The following PLEKHA5 variants were observed in gnomAD, a reference collection of about 807,000 sequenced individuals.
PLEKHA5 encodes pleckstrin homology domain-containing family A member 5.
In PLEKHA5, 55 loss-of-function variants were observed where a neutral mutation model predicts 181.9. The observed-to-expected ratio is 0.30, with a 90% CI of 0.24 to 0.38. PLEKHA5 has a LOEUF of 0.38. Ranked by LOEUF, PLEKHA5 falls within the 10% of genes least tolerant of loss-of-function variation. PLEKHA5 has a pLI of 1.00. For synonymous variants in PLEKHA5, 535 were observed against 529.4 expected, an observed-to-expected ratio of 1.01 and a Z score of -0.15; for missense variants, 1,432 against 1,549.5, an observed-to-expected ratio of 0.92 and a Z score of 1.27.
At chr12:19,322,457 A>G (rs2091108543) in intron 19 of PLEKHA5, 61 bp from the exon 20 acceptor site, 1 of 1,577,496 alleles carries the variant, frequency 6.3e-7, no homozygotes. Context: ...GGACACTGAT[A>G]AGTAAAAAGA....
At chr12:19,232,932 T>C (rs1246898435) in intron 3 of PLEKHA5, among the ~76,000 whole-genome samples, 2 of 152,168 alleles carry the variant, frequency 1.3e-5, no homozygotes, top group Non-Finnish European at 2.9e-5. Flanking sequence ...TTTATTCTTA[T>C]ACTCTACTTC....
At chr12:19,328,558 A>AGTGTGTGTGTGTGT in intron 20 of PLEKHA5, among the ~76,000 whole-genome samples, 1 of 141,798 alleles carries the variant, frequency 7.1e-6, no homozygotes, top group South Asian at 2.4e-4. Context: ...CTTTCCTAGG[A>AGTGTGTGTGTGTGT]GTGTGTGTGT....
intron 20 of PLEKHA5, among the ~76,000 whole-genome samples, chr12:19,327,247 G>GTTTTTTTTTTTTTTTTT (rs55983306): frequency 7.2e-6 from 1 of 138,544 alleles, no homozygotes; most frequent in Admixed American, 7.1e-5. Context: ...ATCTGTTTTT[G>GTTTTTTTTTTTTTTTTT]TTTTTTTTTT....
At chr12:19,220,049 C>G (rs2058682970) in intron 3 of PLEKHA5, among the ~76,000 whole-genome samples, 1 of 151,960 alleles carries the variant, frequency 6.6e-6, no homozygotes, top group South Asian at 2.1e-4. Flanking sequence ...TAGATGTTAA[C>G]CATACAATTA....
intron 6 of PLEKHA5, among the ~76,000 whole-genome samples, chr12:19,258,404 T>G (rs1372955596): frequency 6.6e-6 from 1 of 152,146 alleles, no homozygotes; most frequent in Non-Finnish European, 1.5e-5. Context: ...GTTTATTCTG[T>G]TAAATATTGC....
At chr12:19,302,687 AC>A (rs1339756813) in intron 15 of PLEKHA5, among the ~76,000 whole-genome samples, 1 of 151,744 alleles carries the variant, frequency 6.6e-6, no homozygotes, top group Non-Finnish European at 1.5e-5. Flanking sequence ...GTGAGCCACC[AC>A]CCCCAGCCTA....
chr12:19,171,224 A>G (rs2045813852), intron 3 of PLEKHA5, among the ~76,000 whole-genome samples: 1 of 152,168 alleles, frequency 6.6e-6, no homozygotes, highest in African/African-American at 2.4e-5. Flanking sequence ...TTAAGAAGAA[A>G]TCAATTGAGA....
chr12:19,281,930 T>C (rs893686200), intron 11 of PLEKHA5, among the ~76,000 whole-genome samples: 3 of 151,772 alleles, frequency 2.0e-5, no homozygotes, highest in South Asian at 2.1e-4. Flanking sequence ...TACAGGCACC[T>C]GCCACCACGC....
Position 19,260,938 on chromosome 12 carries a change from A to C in PLEKHA5, c.538-11A>C, listed in dbSNP as rs755243632. ...TGAGAAATAATCCTTAAATATGCTG[A>C]TTTAATCCAGGACAGTACTGGCATG... On this transcript the variant is annotated splice_polypyrimidine_tract_variant and intron_variant, in intron 6 of 31. Coordinates refer to ENST00000429027, the MANE Select transcript of PLEKHA5 (RefSeq NM_001256470.2). 36 of 1,514,272 alleles carry C rather than the reference A, an allele frequency of 2.4e-5. No homozygotes were observed. Among genetic ancestry groups the C allele is most frequent in the Non-Finnish European group, 2.9e-5 (32 of 1,106,596 alleles). 93.8% of individuals were successfully genotyped at this position (1,514,272 alleles called of 1,614,324 possible). A position where few individuals can be genotyped will look rare whatever the true frequency, so the allele number is the denominator to read the frequency against.
In PLEKHA5 at chr12:19,274,624, A is replaced by C. The variant is rs1240354713; in HGVS notation, c.954A>C (p.Glu318Asp). 8.1e-6 allele frequency: 13 copies of C among 1,613,594 alleles called. No individual in the cohort carries two copies. The highest frequency in any genetic ancestry group is 9.3e-6 in the Non-Finnish European group (11 of 1,179,612). ...PEIQNNQKNK[E>D]MSKIEEKKAL... ...TCCAAAACAATCAAAAAAACAAGGA[A>C]ATGAGCAAAATTGAAGAAAAAAAGG... Residue 318 changes from glutamate (E) to aspartate (D), a missense_variant, in exon 11 of 32, where the codon GAA becomes GAC. This residue lies in a region of PLEKHA5 where 1,143 missense variants were observed against 1,168.4 expected (regional missense o/e 0.98). Coordinates refer to ENST00000429027, the MANE Select transcript of PLEKHA5 (RefSeq NM_001256470.2).
chr12:19,260,806 G>A (rs1192260134), intron 6 of PLEKHA5, 143 bp from the exon 7 acceptor site: 5 of 427,432 alleles, frequency 1.2e-5, no homozygotes, highest in Non-Finnish European at 2.1e-5. Context: ...GTTGCAGTGA[G>A]CAGAGGTTGC....
chr12:19,176,322 G>T (rs1375311674), intron 3 of PLEKHA5: 1 of 150,418 alleles, frequency 6.6e-6, no homozygotes, highest in Non-Finnish European at 1.5e-5. Flanking sequence ...CGAGGCTGGA[G>T]TGTAGTGCTG....
intron 3 of PLEKHA5, among the ~76,000 whole-genome samples, chr12:19,218,769 A>G (rs1410714713): frequency 6.6e-6 from 1 of 151,978 alleles, no homozygotes; most frequent in African/African-American, 2.4e-5. Context: ...ATCTAATTAT[A>G]TGTATATATT....
intron 3 of PLEKHA5, among the ~76,000 whole-genome samples, chr12:19,252,198 A>T (rs2065519330): frequency 6.6e-6 from 1 of 152,200 alleles, no homozygotes; most frequent in Admixed American, 6.5e-5. Context: ...CCAAAAAAAT[A>T]TGAAAATTAG....
chr12:19,374,920 A>G (rs1415175933), intron 31 of PLEKHA5, among the ~76,000 whole-genome samples: 3 of 151,868 alleles, frequency 2.0e-5, no homozygotes, highest in East Asian at 3.9e-4. Context: ...GTGCCACTGC[A>G]CTCCACCCTG....
chr12:19,174,337 T>G (rs2046682332), intron 3 of PLEKHA5, among the ~76,000 whole-genome samples: 1 of 152,208 alleles, frequency 6.6e-6, no homozygotes, highest in Non-Finnish European at 1.5e-5. Flanking sequence ...ATTCTTTGAA[T>G]ATATTCGCTC....
At chr12:19,198,854 T>A (rs921643385) in intron 3 of PLEKHA5, among the ~76,000 whole-genome samples, 3 of 152,232 alleles carry the variant, frequency 2.0e-5, no homozygotes, top group Non-Finnish European at 2.9e-5. Flanking sequence ...CCCATTTTTT[T>A]ATTTACATAG....
chr12:19,220,399 A>T (rs909794850), intron 3 of PLEKHA5, among the ~76,000 whole-genome samples: 26 of 152,116 alleles, frequency 1.7e-4, no homozygotes, highest in African/African-American at 6.0e-4. Flanking sequence ...TGCGTCATTA[A>T]GTTTGACAGA....
intron 20 of PLEKHA5, among the ~76,000 whole-genome samples, chr12:19,333,192 G>A (rs1378533713): frequency 1.3e-5 from 2 of 152,044 alleles, no homozygotes; most frequent in African/African-American, 4.8e-5. Context: ...GCCTGAGGCA[G>A]GCGAATCGCT....
Sources: gnomAD v4.1 joint callset for allele counts (sites outside exome capture counted in the v4.1 genomes callset) on GRCh38, gnomAD v4.1.1 for gene constraint, gnomAD v4.1.1 regional missense constraint, MANE v1.5 for transcripts, NCBI Gene and HGNC (gene_info 2026-07-23, HGNC 2026-07-21) for gene names.